The following NXPE2 variants were observed in gnomAD, a reference collection of about 807,000 sequenced individuals.
The protein encoded by NXPE2 is NXPE family member 2.
In NXPE2, 34 loss-of-function variants were observed where a neutral mutation model predicts 34.4. That is an observed-to-expected ratio of 0.99 (90% confidence interval 0.75 to 1.31). The LOEUF (loss-of-function observed/expected upper bound fraction) is 1.31, where lower values mean the gene tolerates loss of function less well. NXPE2 is among the 40% of genes most tolerant of loss of function. NXPE2 has a pLI of 0.00. For missense variants in NXPE2, 649 were observed against 672.5 expected, an observed-to-expected ratio of 0.97 and a Z score of 0.39; for synonymous variants, 235 against 231.3, an observed-to-expected ratio of 1.02 and a Z score of -0.15.
At chr11:114,639,135 C>T in the NXPE2 span, among the ~76,000 whole-genome samples, 27,262 of 151,932 alleles carry the variant, frequency 0.18, 2,895 homozygotes, top group Non-Finnish European at 0.22. Flanking sequence ...TCGAGCTTCC[C>T]GGCTGCTTTG....
the NXPE2 span, among the ~76,000 whole-genome samples, chr11:114,783,665 C>T: frequency 2.0e-4 from 31 of 152,154 alleles, no homozygotes; most frequent in African/African-American, 5.8e-4. Flanking sequence ...GTTTTTCCAT[C>T]TTCTGTGTGT....
At chr11:114,651,226 G>A in the NXPE2 span, among the ~76,000 whole-genome samples, 1 of 152,018 alleles carries the variant, frequency 6.6e-6, no homozygotes, top group African/African-American at 2.4e-5. Flanking sequence ...GGTGTGTCTG[G>A]GGTTTCTTCC....
the NXPE2 span, among the ~76,000 whole-genome samples, chr11:114,590,911 C>T: frequency 6.6e-6 from 1 of 152,188 alleles, no homozygotes; most frequent in Non-Finnish European, 1.5e-5. Flanking sequence ...ATATCAGGCT[C>T]TGCTGTTAGA....
At chr11:114,576,880 T>G in the NXPE2 span, among the ~76,000 whole-genome samples, 25 of 150,974 alleles carry the variant, frequency 1.7e-4, no homozygotes, top group African/African-American at 5.6e-4. Context: ...AAAAAAATAC[T>G]TGTACACACA....
the NXPE2 span, among the ~76,000 whole-genome samples, chr11:114,523,762 G>C: frequency 6.6e-6 from 1 of 152,002 alleles, no homozygotes; most frequent in South Asian, 2.1e-4. Flanking sequence ...CATAACAAAG[G>C]GCATCCAATT....
rs754721178 is a variant in NXPE2 at position 114,698,267 on chromosome 11, C to T, written c.355C>T (p.Pro119Ser). Residue 119 changes from proline to serine, a missense_variant, in exon 3 of 6, where the codon CCT (proline) becomes TCT (serine). Physicochemically the swap from Pro to Ser is moderately conservative, Grantham distance 74 (BLOSUM62 -1). Coordinates refer to ENST00000389586, the MANE Select transcript of NXPE2 (RefSeq NM_182495.6). ...ACACAGCACAGCCACCATCCTCAACCCTCAAGATACGTACTGCAGGGGGGA... is the reference window on the plus strand; with the variant it reads ...ACACAGCACAGCCACCATCCTCAACTCTCAAGATACGTACTGCAGGGGGGA... ...ATHSTATILN[P>S]QDTYCRGDQL... 2.2e-5 allele frequency: 35 copies of T among 1,613,340 alleles called. No individual in the cohort carries two copies. The highest frequency in any genetic ancestry group is 2.8e-5 in the Non-Finnish European group (33 of 1,179,544).
At chr11:114,538,235 G>A in the NXPE2 span, among the ~76,000 whole-genome samples, 17 of 152,158 alleles carry the variant, frequency 1.1e-4, no homozygotes, top group South Asian at 2.1e-4. Context: ...TATGTAGAAA[G>A]CTGAAACTGG....
the NXPE2 span, among the ~76,000 whole-genome samples, chr11:114,508,624 CA>C: frequency 6.6e-6 from 1 of 152,148 alleles, no homozygotes. Flanking sequence ...ACAAGTCTGA[CA>C]GAAACAAGTA....
chr11:114,606,501 G>A, the NXPE2 span, among the ~76,000 whole-genome samples: 5 of 151,110 alleles, frequency 3.3e-5, no homozygotes, highest in Admixed American at 1.3e-4. Flanking sequence ...GATAATAAGT[G>A]TTGCCTCTAG....
chr11:114,726,104 A>G, the NXPE2 span, among the ~76,000 whole-genome samples: 2 of 151,420 alleles, frequency 1.3e-5, no homozygotes, highest in African/African-American at 4.8e-5. Flanking sequence ...GCTTTATTTT[A>G]CCTCATTCTT....
At chr11:114,521,915 G>T in the NXPE2 span, 2 of 1,294,042 alleles carry the variant, frequency 1.5e-6, no homozygotes, top group Non-Finnish European at 2.2e-6. Flanking sequence ...TACAATACAT[G>T]TGGGATTATG....
chr11:114,652,682 G>A, the NXPE2 span, among the ~76,000 whole-genome samples: 1 of 152,210 alleles, frequency 6.6e-6, no homozygotes, highest in African/African-American at 2.4e-5. Context: ...GGTAATTGAA[G>A]CAAAGAATAT....
At chr11:114,594,968 A>C in the NXPE2 span, among the ~76,000 whole-genome samples, 1 of 152,068 alleles carries the variant, frequency 6.6e-6, no homozygotes, top group African/African-American at 2.4e-5. Flanking sequence ...CTGCTTGTAC[A>C]TTCTACAGAA....
the NXPE2 span, among the ~76,000 whole-genome samples, chr11:114,759,409 T>C: frequency 2.8e-4 from 42 of 152,308 alleles, no homozygotes; most frequent in African/African-American, 1.0e-3. Context: ...CTCTGGGGTG[T>C]TGTGAAGATG....
the NXPE2 span, among the ~76,000 whole-genome samples, chr11:114,639,810 T>TAATATAAAATATAATATATGTTATGTTA: frequency 2.0e-3 from 153 of 77,958 alleles, 1 homozygote; most frequent in African/African-American, 6.5e-3. Context: ...AAATATAAAA[T>TAATATAAAATATAATATATGTTATGTTA]AATATAAAAT....
the NXPE2 span, among the ~76,000 whole-genome samples, chr11:114,739,337 TTCCC>T: frequency 0.24 from 8,941 of 37,302 alleles, 885 homozygotes; most frequent in Non-Finnish European, 0.31. Context: ...CCTTCCTTCC[TTCCC>T]CCCTTCCTCT....
chr11:114,469,700 C>T, the NXPE2 span, among the ~76,000 whole-genome samples: 5,838 of 151,946 alleles, frequency 0.038, 143 homozygotes, highest in Middle Eastern at 0.082. Context: ...ACCATGTTGG[C>T]CAGGCTGGTC....
At chr11:114,728,080 G>A in the NXPE2 span, among the ~76,000 whole-genome samples, 1 of 151,996 alleles carries the variant, frequency 6.6e-6, no homozygotes, top group Non-Finnish European at 1.5e-5. Flanking sequence ...CGTCCTCCAT[G>A]TTCAAAATCA....
the NXPE2 span, among the ~76,000 whole-genome samples, chr11:114,568,904 G>T: frequency 6.6e-6 from 1 of 151,880 alleles, no homozygotes; most frequent in African/African-American, 2.4e-5. Flanking sequence ...ATCTTTGATG[G>T]CAGAGATATC....
Sources: gnomAD v4.1 joint callset for allele counts (sites outside exome capture counted in the v4.1 genomes callset) on GRCh38, gnomAD v4.1.1 for gene constraint, MANE v1.5 for transcripts, NCBI Gene and HGNC (gene_info 2026-07-23, HGNC 2026-07-21) for gene names.